The following VPS4B variants were observed in gnomAD, a reference collection of about 807,000 sequenced individuals.
The protein encoded by VPS4B is vacuolar protein sorting 4 homolog B, also known as vacuolar protein sorting-associated protein 4B.
In VPS4B, 23 loss-of-function variants were observed where a neutral mutation model predicts 56.1. That is an observed-to-expected ratio of 0.41 (90% CI 0.30 to 0.58). VPS4B has a LOEUF of 0.58. VPS4B is among the 20% of genes least tolerant of loss of function. The pLI is 0.29. For missense variants in VPS4B, 372 were observed against 531.9 expected (o/e 0.70, Z 2.96); for synonymous variants, 177 against 186.0 (o/e 0.95, Z 0.39).
Position 63,422,377 on chromosome 18 carries a change from C to T in VPS4B, c.-118G>A, listed in dbSNP as rs537997208. On this transcript the variant is annotated 5_prime_UTR_variant, in exon 1 of 11. Transcript: ENST00000238497. ...CTGGGGAGGCCGGTGGTTCTCGGAC[C>T]GCGAAGGGCAGCCTCCCTTCCGGAA... The T allele has an allele frequency of 8.9e-4, 856 of 966,060 alleles. 3 individuals are homozygous for T. The highest frequency in any genetic ancestry group is 1.1e-3 in the Non-Finnish European group (764 of 704,646). The allele number at this position is 966,060 out of a possible 1,614,324, so 59.8% of individuals were successfully genotyped here.
rs1915864786 is a variant in VPS4B, at chr18:63,403,956, G to A, written c.365-130C>T. 12 of 1,029,052 alleles carry A rather than the reference G, an allele frequency of 1.2e-5. 1 individual carries two copies. In the South Asian group the frequency reaches 1.9e-4, roughly 16 times the overall value. The allele number at this position is 1,029,052 out of a possible 1,614,324, so 63.7% of individuals were successfully genotyped here. Reference sequence around the variant, plus strand: ...AGTTTTATGTACTAACAACCTTTTTGAAATAGCGTGAGCAGGAAGCAGGTG... The same window carrying A: ...AGTTTTATGTACTAACAACCTTTTTAAAATAGCGTGAGCAGGAAGCAGGTG... On this transcript the variant is annotated intron_variant, in intron 4 of 10. Coordinates refer to ENST00000238497, the MANE Select transcript of VPS4B (RefSeq NM_004869.4).
At chr18:63,397,288 T>C (rs1304900858) in intron 8 of VPS4B, 35 bp from the exon 9 acceptor site, 34 of 1,551,144 alleles carry the variant, frequency 2.2e-5, no homozygotes, top group Non-Finnish European at 2.9e-5. Context: ...ATATATTTAA[T>C]TGAAAATTAG....
At chr18:63,397,592 T>C (rs1367893956) in intron 8 of VPS4B, among the ~76,000 whole-genome samples, 1 of 152,152 alleles carries the variant, frequency 6.6e-6, no homozygotes, top group Non-Finnish European at 1.5e-5. Context: ...TGATTAACAA[T>C]ATAAAACAGG....
At chr18:63,413,495 T>C in intron 1 of VPS4B, among the ~76,000 whole-genome samples, 1 of 144,158 alleles carries the variant, frequency 6.9e-6, no homozygotes, top group African/African-American at 2.6e-5. Flanking sequence ...GCCAAGATCA[T>C]GCCACTGCAC....
chr18:63,391,035 G>T lies in VPS4B; in HGVS notation c.1275C>A (p.Val425=). Residue 425 remains valine, a synonymous_variant, in exon 11 of 11, where the codon GTC becomes GTA. Coordinates refer to ENST00000238497, the MANE Select transcript of VPS4B (RefSeq NM_004869.4). ...TTAATTTCAACAAGTCATGTTCATT[G>T]ACTGTAGGTTTTGTGTTAGATAGTG... ...LRSLSNTKPT[V]NEHDLLKLKK... 1.2e-6 allele frequency: 2 copies of T among 1,613,680 alleles called. No homozygotes were observed. Among genetic ancestry groups the T allele is most frequent in the South Asian group, 2.2e-5 (2 of 90,996 alleles).
rs539495750 is a variant in VPS4B at position 63,391,449 on chromosome 18, G to A, written c.1234-373C>T. ...TCGTTTTGTTGGTCAGGCTGGTCTC[G>A]AACCCCTGACCTCAGGTGATCCGCC... is the stretch of plus-strand genomic sequence containing the variant. On this transcript the variant is annotated intron_variant, in intron 10 of 10. Coordinates refer to ENST00000238497, the MANE Select transcript of VPS4B (RefSeq NM_004869.4). Among the ~76,000 whole-genome samples the A allele has an allele frequency of 5.9e-5, 9 of 152,208 alleles. No homozygotes were observed. In the South Asian group the frequency reaches 1.5e-3, roughly 25 times the overall value.
intron 3 of VPS4B, among the ~76,000 whole-genome samples, chr18:63,408,900 A>G (rs1323735959): frequency 1.3e-5 from 2 of 152,178 alleles, no homozygotes; most frequent in Admixed American, 1.3e-4. Flanking sequence ...AAGAGAGAAG[A>G]GCTTCTATGG....
chr18:63,390,580 T>C lies in VPS4B; in HGVS notation c.*395A>G, dbSNP rs1477194098. The C allele has an allele frequency of 1.3e-5, 2 of 153,484 alleles. No homozygotes were observed. Among genetic ancestry groups the C allele is most frequent in the African/African-American group, 4.8e-5 (2 of 41,462 alleles). The allele number at this position is 153,484 out of a possible 1,614,324, so 9.5% of individuals were successfully genotyped here. On this transcript the variant is annotated 3_prime_UTR_variant, in exon 11 of 11. Transcript: ENST00000238497. ...AATTTTACATTGATAAGAATGATGT[T>C]TAACAATTTTTTTGAAAATATAAAA...
chr18:63,412,088 T>C (rs891526806), intron 1 of VPS4B, among the ~76,000 whole-genome samples: 3 of 152,194 alleles, frequency 2.0e-5, no homozygotes, highest in Non-Finnish European at 4.4e-5. Context: ...ATCCAGTAAT[T>C]AACTAAAAGG....
chr18:63,416,213 AAC>A (rs370689033), intron 1 of VPS4B: 40 of 201,184 alleles, frequency 2.0e-4, no homozygotes, highest in African/African-American at 7.2e-4. Context: ...CACCTTGACT[AAC>A]ACTTTCTCCT....
intron 8 of VPS4B, 39 bp downstream of exon 8, chr18:63,399,203 T>C (rs780552658): frequency 1.3e-6 from 2 of 1,508,610 alleles, no homozygotes; most frequent in Non-Finnish European, 1.8e-6. Context: ...ACTTGTTACA[T>C]CTGCAGTGAG....
chr18:63,419,927 G>C (rs925282675), intron 1 of VPS4B, among the ~76,000 whole-genome samples: 1 of 152,198 alleles, frequency 6.6e-6, no homozygotes, highest in African/African-American at 2.4e-5. Context: ...TCTGGCCACA[G>C]AGATTTTTGC....
At chr18:63,405,013 A>G (rs988617370) in intron 4 of VPS4B, among the ~76,000 whole-genome samples, 79 of 152,316 alleles carry the variant, frequency 5.2e-4, no homozygotes, top group African/African-American at 1.8e-3. Context: ...TTAAACAAAA[A>G]TAAACTTTAT....
rs563130085 is a variant in VPS4B at position 63,390,951 on chromosome 18, G to C, written c.*24C>G. The C allele has an allele frequency of 2.7e-6, 4 of 1,456,688 alleles. No individual in the cohort carries two copies. In the African/African-American group the frequency reaches 5.6e-5, roughly 20 times the overall value. The allele number at this position is 1,456,688 out of a possible 1,614,324, so 90.2% of individuals were successfully genotyped here. ...ATCTATGAAAGAAAGAATACATATGGTAAGCATCTTCCTTGTCTTTGGCTT... is the reference window on the plus strand; with the variant it reads ...ATCTATGAAAGAAAGAATACATATGCTAAGCATCTTCCTTGTCTTTGGCTT... On this transcript the variant is annotated 3_prime_UTR_variant, in exon 11 of 11. Transcript: ENST00000238497.
In VPS4B at chr18:63,422,285, G is replaced by A. The variant is rs770969366; in HGVS notation, c.-26C>T. 6.7e-6 allele frequency: 10 copies of A among 1,494,424 alleles called. No individual in the cohort carries two copies. Among genetic ancestry groups the A allele is most frequent in the South Asian group, 1.3e-5 (1 of 76,688 alleles). The allele number at this position is 1,494,424 out of a possible 1,614,324, so 92.6% of individuals were successfully genotyped here. A position where few individuals can be genotyped will look rare whatever the true frequency, so the allele number is the denominator to read the frequency against. On this transcript the variant is annotated 5_prime_UTR_variant, in exon 1 of 11. Coordinates refer to ENST00000238497, the MANE Select transcript of VPS4B (RefSeq NM_004869.4). ...GGCGGAGTTCCCAGGCGGTTCCCAA[G>A]GGAACGAGGGGCGAGGAGAGCCAAC...
intron 3 of VPS4B, among the ~76,000 whole-genome samples, chr18:63,408,997 A>ATATTTTCACTTCATGTTT (rs1307858574): frequency 6.6e-6 from 1 of 152,186 alleles, no homozygotes; most frequent in Admixed American, 6.5e-5. Context: ...ATTCTTCCCA[A>ATATTTTCACTTCATGTTT]TATTTTCACT....
At chr18:63,401,291 G>A (rs1915801305) in intron 5 of VPS4B, among the ~76,000 whole-genome samples, 2 of 152,100 alleles carry the variant, frequency 1.3e-5, no homozygotes, top group Non-Finnish European at 2.9e-5. Flanking sequence ...TCTCACTCTT[G>A]TTGCCCAGGC....
At chr18:63,404,534 G>C (rs1357057023) in intron 4 of VPS4B, 1 of 152,188 alleles carries the variant, frequency 6.6e-6, no homozygotes, top group African/African-American at 2.4e-5. Flanking sequence ...TCTGAATGCA[G>C]TATATTCAAA....
Position 63,418,878 on chromosome 18 carries a change from T to C in VPS4B, c.27+3355A>G, listed in dbSNP as rs115399365. On this transcript the variant is annotated intron_variant, in intron 1 of 10. Transcript: ENST00000238497. ...ACCTGTACGCTAATAAATCCTTATTTCCAGCCTAGTCCACTCTCCCTACTT... is the reference window on the plus strand; with the variant it reads ...ACCTGTACGCTAATAAATCCTTATTCCCAGCCTAGTCCACTCTCCCTACTT... Among the ~76,000 whole-genome samples, 252 of 152,288 alleles carry C rather than the reference T, an allele frequency of 1.7e-3. 2 individuals are homozygous for C. The highest frequency in any genetic ancestry group is 5.8e-3 in the African/African-American group (240 of 41,538).
Sources: allele counts gnomAD v4.1 joint callset (sites outside exome capture counted in the v4.1 genomes callset), GRCh38; gene constraint gnomAD v4.1.1; transcripts MANE v1.5; gene names NCBI Gene and HGNC (gene_info 2026-07-23, HGNC 2026-07-21).